The following SEPTIN9 variants were observed in gnomAD, a reference collection of about 807,000 sequenced individuals.
SEPTIN9 encodes septin-9.
In SEPTIN9, 13 loss-of-function variants were observed where a neutral mutation model predicts 56.6. The observed-to-expected ratio is 0.23, with a 90% CI of 0.15 to 0.37. The LOEUF is 0.37. Ranked by LOEUF, SEPTIN9 falls within the 10% of genes least tolerant of loss-of-function variation. SEPTIN9 has a pLI of 1.00. For missense variants in SEPTIN9, 650 were observed against 823.1 expected, an observed-to-expected ratio of 0.79 and a Z score of 2.57; for synonymous variants, 332 against 334.1, an observed-to-expected ratio of 0.99 and a Z score of 0.07.
chr17:77,493,122 C>A (rs1351100617), intron 10 of SEPTIN9, 46 bp downstream of exon 10: 2 of 1,436,540 alleles, frequency 1.4e-6, no homozygotes, highest in Non-Finnish European at 1.9e-6. Flanking sequence ...GGAAGACAGT[C>A]TCTTCTGCTG....
intron 3 of SEPTIN9, among the ~76,000 whole-genome samples, chr17:77,457,750 C>T (rs1161183235): frequency 2.0e-5 from 3 of 152,276 alleles, no homozygotes; most frequent in African/African-American, 7.2e-5. Flanking sequence ...GTGCCCGTCC[C>T]CCTGGCCACA....
rs1433725063 is a variant in SEPTIN9 at position 77,425,797 on chromosome 17, CTG to C, written c.721+23097_721+23098del. Among the ~76,000 whole-genome samples the C allele has an allele frequency of 1.3e-5, 2 of 151,720 alleles. No individual in the cohort carries two copies. The highest frequency in any genetic ancestry group is 2.4e-5 in the African/African-American group (1 of 41,274). Reference sequence around the variant, plus strand: ...AGAGTTTTACCTGTGTGCTTAGAATCTGTGCGTGGAGCCAGAAGTCACAAGGT... The same window carrying C: ...AGAGTTTTACCTGTGTGCTTAGAATCTGCGTGGAGCCAGAAGTCACAAGGT... On this transcript the variant is annotated intron_variant, in intron 3 of 11. Transcript: ENST00000427177. This position sits in a 1 kb window ranked among gnomAD's most constrained non-coding sequence, Gnocchi z 4.2.
intron 1 of SEPTIN9, among the ~76,000 whole-genome samples, chr17:77,284,793 C>T (rs1424929073): frequency 1.3e-5 from 2 of 152,084 alleles, no homozygotes; most frequent in Non-Finnish European, 2.9e-5. Flanking sequence ...CTGCGCCCAG[C>T]TAATTTTTAT....
rs1276900977 is a variant in SEPTIN9 at position 77,367,781 on chromosome 17, A to G, written c.77-34278A>G. Among the ~76,000 whole-genome samples the G allele has an allele frequency of 6.6e-5, 10 of 152,306 alleles. No individual in the cohort carries two copies. The South Asian group carries it at 1.9e-3, about 28-fold the overall frequency. On this transcript the variant is annotated intron_variant, in intron 2 of 11. Transcript: ENST00000427177. This position sits in a 1 kb window ranked among gnomAD's most constrained non-coding sequence, Gnocchi z 4.5. Reference sequence around the variant, plus strand: ...CAGTGAGCCGAGATCACGCCACTACACTACAGCCCGGGCGACAGAGTGAGA... The same window carrying G: ...CAGTGAGCCGAGATCACGCCACTACGCTACAGCCCGGGCGACAGAGTGAGA...
intron 4 of SEPTIN9, 65 bp downstream of exon 4, chr17:77,482,400 C>A: frequency 6.6e-7 from 1 of 1,518,560 alleles, no homozygotes; most frequent in Non-Finnish European, 9.0e-7. Flanking sequence ...CCAGGGCGGC[C>A]CACAAGCCTT....
intron 4 of SEPTIN9, among the ~76,000 whole-genome samples, chr17:77,484,679 T>G (rs1277014995): frequency 7.5e-4 from 38 of 50,352 alleles, no homozygotes; most frequent in Middle Eastern, 0.037. Context: ...GGTGGTGATG[T>G]GGGTGGTGGT....
chr17:77,427,603 G>C (rs2036961642), intron 3 of SEPTIN9, among the ~76,000 whole-genome samples: 1 of 152,210 alleles, frequency 6.6e-6, no homozygotes, highest in Non-Finnish European at 1.5e-5. Flanking sequence ...CCGAGGCCGG[G>C]AAGAACAGCT....
Position 77,298,023 on chromosome 17 carries a change from G to A in SEPTIN9, c.20-9118G>A, listed in dbSNP as rs546431780. On this transcript the variant is annotated intron_variant, in intron 1 of 11. Transcript: ENST00000427177. ...CCAGAGGGGCTGCAGTAGAGCAGGC[G>A]AGGAGGAGGAGGGAGACGCAGGTCA... Among the ~76,000 whole-genome samples the A allele has an allele frequency of 7.9e-5, 12 of 152,278 alleles. No individual in the cohort carries two copies. In the East Asian group the frequency reaches 2.1e-3, roughly 27 times the overall value.
intron 2 of SEPTIN9, among the ~76,000 whole-genome samples, chr17:77,334,441 AAT>A (rs1238783129): frequency 4.6e-5 from 7 of 151,390 alleles, no homozygotes; most frequent in East Asian, 1.9e-4. Context: ...AAAAAAAAAA[AAT>A]GTTGTTTCAT....
intron 3 of SEPTIN9, among the ~76,000 whole-genome samples, chr17:77,458,369 C>T (rs556529464): frequency 1.3e-4 from 20 of 152,340 alleles, no homozygotes; most frequent in African/African-American, 4.6e-4. Context: ...AGCCCCGGCA[C>T]CGCCGCTGTC....
intron 3 of SEPTIN9, among the ~76,000 whole-genome samples, chr17:77,430,642 C>T (rs1021366984): frequency 1.3e-5 from 2 of 152,186 alleles, no homozygotes; most frequent in Admixed American, 6.5e-5. Flanking sequence ...GCTGACAGCT[C>T]ACTGGAACTT....
At position 77,319,034 on chromosome 17, in the gene SEPTIN9, C is replaced by T. The variant is rs567938125; in HGVS notation, c.76+11837C>T. Reference sequence around the variant, plus strand: ...GGAAGGCTTCCGTGGTGCGGCCACGCGTCCTCCCTTTCTCAACAGAAGCTG... The same window carrying T: ...GGAAGGCTTCCGTGGTGCGGCCACGTGTCCTCCCTTTCTCAACAGAAGCTG... On this transcript the variant is annotated intron_variant, in intron 2 of 11. Coordinates refer to ENST00000427177, the MANE Select transcript of SEPTIN9 (RefSeq NM_001113491.2). The surrounding 1 kb of genome is among the most constrained non-coding windows in gnomAD (Gnocchi z 5.3). 2.0e-5 allele frequency among the ~76,000 whole-genome samples: 3 copies of T among 152,338 alleles called. 1 individual carries two copies. Among genetic ancestry groups the T allele is most frequent in the African/African-American group, 7.2e-5 (3 of 41,572 alleles).
chr17:77,461,635 T>TAA, intron 3 of SEPTIN9, among the ~76,000 whole-genome samples: 1 of 152,396 alleles, frequency 6.6e-6, no homozygotes, highest in Non-Finnish European at 1.5e-5. Context: ...TTTTAAAATC[T>TAA]ACAGTTCAAT....
intron 3 of SEPTIN9, among the ~76,000 whole-genome samples, chr17:77,418,402 G>A (rs2144198573): frequency 6.6e-6 from 1 of 152,058 alleles, no homozygotes; most frequent in East Asian, 1.9e-4. Flanking sequence ...GAGTGCAGTG[G>A]TGCCATCTTG....
In SEPTIN9 at chr17:77,451,202, T is replaced by C. The variant is rs1748126640; in HGVS notation, c.722-30942T>C. ...CCCCTCACTCTTCCCAGGGACCCTG[T>C]CACTTTCCTTTAGCGTGTGGCAGCT... On this transcript the variant is annotated intron_variant, in intron 3 of 11. Transcript: ENST00000427177. The surrounding 1 kb of genome is among the most constrained non-coding windows in gnomAD (Gnocchi z 4.2). The C allele has an allele frequency of 5.4e-6, 1 of 185,732 alleles. No individual in the cohort carries two copies. Among genetic ancestry groups the C allele is most frequent in the South Asian group, 1.8e-4 (1 of 5,450 alleles). The allele number at this position is 185,732 out of a possible 1,614,324, so 11.5% of individuals were successfully genotyped here. A position where few individuals can be genotyped will look rare whatever the true frequency, so the allele number is the denominator to read the frequency against.
chr17:77,341,405 C>T (rs2033719407), intron 2 of SEPTIN9, among the ~76,000 whole-genome samples: 1 of 152,162 alleles, frequency 6.6e-6, no homozygotes, highest in Non-Finnish European at 1.5e-5. Context: ...GAACATACAA[C>T]GTTTATTGAA....
chr17:77,281,579 A>G (rs900447431), intron 1 of SEPTIN9, 25 bp downstream of exon 1: 27 of 1,534,616 alleles, frequency 1.8e-5, no homozygotes, highest in Non-Finnish European at 2.3e-5. Context: ...CGGGGTGGGG[A>G]GGGGTCGGTG....
At chr17:77,398,072 C>G (rs1277727401) in intron 2 of SEPTIN9, among the ~76,000 whole-genome samples, 3 of 151,634 alleles carry the variant, frequency 2.0e-5, no homozygotes, top group East Asian at 3.9e-4. Flanking sequence ...CTCCTGGCCT[C>G]AAGTGATCCT....
intron 1 of SEPTIN9, among the ~76,000 whole-genome samples, chr17:77,306,001 T>G (rs566537588): frequency 7.3e-4 from 4 of 5,512 alleles, no homozygotes; most frequent in Admixed American, 2.0e-3. Flanking sequence ...GATTGGTGGG[T>G]GGGTGGGTGG....
Sources: allele counts gnomAD v4.1 joint callset (sites outside exome capture counted in the v4.1 genomes callset), GRCh38; gene constraint gnomAD v4.1.1; non-coding constraint Gnocchi (gnomAD v3.1); transcripts MANE v1.5; gene names NCBI Gene and HGNC (gene_info 2026-07-23, HGNC 2026-07-21).